ZGPAT: variants seen among roughly 807,000 people sequenced by gnomAD.
The protein encoded by ZGPAT is zinc finger CCCH-type with G patch domain-containing protein.
Under a neutral mutation model 47.9 loss-of-function variants are expected in ZGPAT, and 39 were observed. The ratio of observed to expected loss-of-function variants is 0.81; its 90% CI spans 0.63 to 1.06. The LOEUF (loss-of-function observed/expected upper bound fraction) is 1.06, where lower values mean the gene tolerates loss of function less well. Among genes scored for constraint, ZGPAT ranks in the 50% least tolerant of loss-of-function variants. ZGPAT has a pLI of 0.00. For synonymous variants in ZGPAT, 348 were observed against 292.9 expected (o/e 1.19, Z -1.92); for missense variants, 717 against 681.4 (o/e 1.05, Z -0.58).
chr20:63,711,708 A>G (rs2091670051), intron 2 of ZGPAT, among the ~76,000 whole-genome samples: 1 of 151,750 alleles, frequency 6.6e-6, no homozygotes. Flanking sequence ...TCAGCCTCCC[A>G]AGTAGCTGGG....
At chr20:63,730,966 CTCTCTGTG>C (rs2091894610) in intron 2 of ZGPAT, among the ~76,000 whole-genome samples, 6 of 95,118 alleles carry the variant, frequency 6.3e-5, no homozygotes, top group African/African-American at 2.7e-4. Context: ...CTCTCTCTCT[CTCTCTGTG>C]TGTGTGTGTG....
chr20:63,723,686 C>T (rs2091814202), intron 2 of ZGPAT, among the ~76,000 whole-genome samples: 1 of 152,256 alleles, frequency 6.6e-6, no homozygotes, highest in South Asian at 2.1e-4. Context: ...GCTCCATCCC[C>T]TCTTCTCCTT....
chr20:63,732,611 G>A (rs2091924853), intron 2 of ZGPAT, among the ~76,000 whole-genome samples: 1 of 30,684 alleles, frequency 3.3e-5, no homozygotes. Flanking sequence ...GCGTGTCAGG[G>A]TCTCTGTGTA....
At chr20:63,718,438 TCCTC>T (rs1200878271) in intron 2 of ZGPAT, among the ~76,000 whole-genome samples, 1 of 151,916 alleles carries the variant, frequency 6.6e-6, no homozygotes, top group African/African-American at 2.4e-5. Flanking sequence ...GTTCAAGTGA[TCCTC>T]CCACCTCAGC....
intron 2 of ZGPAT, among the ~76,000 whole-genome samples, chr20:63,716,956 A>G (rs1038218464): frequency 2.0e-5 from 3 of 152,190 alleles, no homozygotes; most frequent in African/African-American, 7.2e-5. Flanking sequence ...TGCTGGGATT[A>G]TAGGCATGAG....
chr20:63,714,255 A>T (rs1036454012), intron 2 of ZGPAT, among the ~76,000 whole-genome samples: 1 of 151,906 alleles, frequency 6.6e-6, no homozygotes, highest in Non-Finnish European at 1.5e-5. Context: ...GCGAAACCCC[A>T]TCTCTACTAA....
At chr20:63,717,593 G>A (rs2091744394) in intron 2 of ZGPAT, among the ~76,000 whole-genome samples, 1 of 140,808 alleles carries the variant, frequency 7.1e-6, no homozygotes, top group Non-Finnish European at 1.6e-5. Context: ...TTTGTTGTTT[G>A]AGACACAGTC....
chr20:63,733,182 C>G (rs373357197), intron 2 of ZGPAT, 37 bp from the exon 3 acceptor site: 14 of 1,599,112 alleles, frequency 8.8e-6, no homozygotes, highest in Non-Finnish European at 1.1e-5. Context: ...CCTGGTGGCC[C>G]ATGTCTGAGC....
chr20:63,714,408 A>G (rs1425451711), intron 2 of ZGPAT, among the ~76,000 whole-genome samples: 1 of 140,282 alleles, frequency 7.1e-6, no homozygotes, highest in Non-Finnish European at 1.5e-5. Context: ...CCTGGACGAC[A>G]GAGCAAGAAC....
chr20:63,731,466 G>A (rs2091901413), intron 2 of ZGPAT, among the ~76,000 whole-genome samples: 1 of 107,606 alleles, frequency 9.3e-6, no homozygotes, highest in Non-Finnish European at 2.3e-5. Context: ...TGGTGTGTAT[G>A]TGTGCATGTG....
At chr20:63,722,783 C>T (rs2091801552) in intron 2 of ZGPAT, among the ~76,000 whole-genome samples, 1 of 152,050 alleles carries the variant, frequency 6.6e-6, no homozygotes, top group Non-Finnish European at 1.5e-5. Context: ...CAGGCACCCC[C>T]ACCACACCCG....
chr20:63,712,100 T>C (rs941110758), intron 2 of ZGPAT, among the ~76,000 whole-genome samples: 3 of 152,252 alleles, frequency 2.0e-5, no homozygotes, highest in African/African-American at 7.2e-5. Flanking sequence ...ATGAGGATTT[T>C]CACCTATGTT....
intron 2 of ZGPAT, among the ~76,000 whole-genome samples, chr20:63,712,756 G>T (rs570703164): frequency 1.8e-4 from 27 of 151,994 alleles, no homozygotes; most frequent in African/African-American, 6.3e-4. Context: ...CAAATTAGTC[G>T]GAGGTGGTGC....
intron 2 of ZGPAT, among the ~76,000 whole-genome samples, chr20:63,709,892 G>C (rs1433007253): frequency 2.0e-5 from 3 of 151,778 alleles, no homozygotes; most frequent in African/African-American, 7.3e-5. Context: ...ATGGAGTCTT[G>C]TTCTGTTGCC....
chr20:63,716,170 C>T (rs1228219732), intron 2 of ZGPAT, among the ~76,000 whole-genome samples: 1 of 152,146 alleles, frequency 6.6e-6, no homozygotes, highest in Admixed American at 6.5e-5. Context: ...TCTCGGACTA[C>T]AGGCGCACGC....
intron 2 of ZGPAT, among the ~76,000 whole-genome samples, chr20:63,711,574 A>G (rs1428096047): frequency 6.6e-6 from 1 of 151,532 alleles, no homozygotes; most frequent in Non-Finnish European, 1.5e-5. Context: ...TTCAGGACTG[A>G]TAAGTTCTCT....
intron 2 of ZGPAT, among the ~76,000 whole-genome samples, chr20:63,709,895 C>T (rs891427318): frequency 6.6e-6 from 1 of 151,856 alleles, no homozygotes; most frequent in Admixed American, 6.6e-5. Flanking sequence ...GAGTCTTGTT[C>T]TGTTGCCCAG....
intron 2 of ZGPAT, among the ~76,000 whole-genome samples, chr20:63,732,407 T>C (rs1226590123): frequency 2.0e-5 from 2 of 100,446 alleles, no homozygotes; most frequent in Non-Finnish European, 4.3e-5. Context: ...GGCCTGTGTG[T>C]GCGTGTGTGT....
At chr20:63,717,920 G>C (rs113557828) in intron 2 of ZGPAT, among the ~76,000 whole-genome samples, 1 of 152,076 alleles carries the variant, frequency 6.6e-6, no homozygotes, top group African/African-American at 2.4e-5. Context: ...GCAGGTGCCT[G>C]TAATCCCAGC....
Sources: allele counts gnomAD v4.1 joint callset (sites outside exome capture counted in the v4.1 genomes callset), GRCh38; gene constraint gnomAD v4.1.1; transcripts MANE v1.5; gene names NCBI Gene and HGNC (gene_info 2026-07-23, HGNC 2026-07-21).